The following RANBP2 variants were observed in gnomAD, a reference collection of about 807,000 sequenced individuals.
The protein encoded by RANBP2 is E3 SUMO-protein ligase RanBP2.
A neutral mutation model predicts 303.6 loss-of-function variants in RANBP2; 57 were observed. That is an observed-to-expected ratio of 0.19 (90% CI 0.15 to 0.23). The LOEUF (loss-of-function observed/expected upper bound fraction) is 0.23, where lower values mean the gene tolerates loss of function less well. RANBP2 is among the 10% of genes least tolerant of loss of function. RANBP2 has a pLI of 1.00. For synonymous variants in RANBP2, 1,167 were observed against 1,301.5 expected (o/e 0.90, Z 2.23); for missense variants, 3,138 against 3,780.8 (o/e 0.83, Z 4.46).
the RANBP2 span, among the ~76,000 whole-genome samples, chr2:108,917,237 A>G: frequency 1.3e-5 from 2 of 152,218 alleles, no homozygotes; most frequent in Admixed American, 1.3e-4. Flanking sequence ...TGGAAGCCAA[A>G]GGAGTGGATC....
At chr2:109,202,044 C>G in the RANBP2 span, among the ~76,000 whole-genome samples, 2 of 152,342 alleles carry the variant, frequency 1.3e-5, no homozygotes, top group East Asian at 1.9e-4. Context: ...GCCTTGGAGC[C>G]TGGCTGGGTC....
At chr2:108,907,175 TA>T in the RANBP2 span, among the ~76,000 whole-genome samples, 1 of 152,246 alleles carries the variant, frequency 6.6e-6, no homozygotes, top group Admixed American at 6.5e-5. Context: ...CCTGTTTTTA[TA>T]TTTTTAAAAA....
chr2:109,183,763 G>A, the RANBP2 span, among the ~76,000 whole-genome samples: 4 of 152,192 alleles, frequency 2.6e-5, no homozygotes, highest in Non-Finnish European at 5.9e-5. Flanking sequence ...GTCAGGTCAG[G>A]AATTATTTAT....
chr2:109,649,264 CCATGACTAAAGTCCTGGAGA>C, the RANBP2 span, among the ~76,000 whole-genome samples: 1 of 152,070 alleles, frequency 6.6e-6, no homozygotes, highest in African/African-American at 2.4e-5. Context: ...TTGATTGGCT[CCATGACTAAAGTCCTGGAGA>C]CTAAATGAAT....
chr2:109,347,318 G>A, the RANBP2 span, among the ~76,000 whole-genome samples: 1 of 152,166 alleles, frequency 6.6e-6, no homozygotes, highest in South Asian at 2.1e-4. Flanking sequence ...TGGGCCTTAG[G>A]AAAGTCACCT....
chr2:109,435,953 A>G, the RANBP2 span, among the ~76,000 whole-genome samples: 5 of 152,124 alleles, frequency 3.3e-5, no homozygotes, highest in Non-Finnish European at 5.9e-5. Flanking sequence ...TCCTTTTCCA[A>G]GAGGCCCCTC....
chr2:109,641,043 T>C, the RANBP2 span, among the ~76,000 whole-genome samples: 4 of 152,190 alleles, frequency 2.6e-5, no homozygotes, highest in African/African-American at 9.7e-5. Context: ...CTACAAATAA[T>C]GGCCTCCAAA....
the RANBP2 span, among the ~76,000 whole-genome samples, chr2:109,337,258 C>A: frequency 6.6e-6 from 1 of 152,104 alleles, no homozygotes; most frequent in Non-Finnish European, 1.5e-5. Flanking sequence ...AGAGCTTGGG[C>A]TCCCTTGGTC....
the RANBP2 span, among the ~76,000 whole-genome samples, chr2:109,330,127 C>G: frequency 4.9e-4 from 75 of 152,284 alleles, no homozygotes; most frequent in African/African-American, 1.7e-3. Flanking sequence ...TTCCTTTGCT[C>G]CCACTCTGGG....
At chr2:109,224,555 G>C in the RANBP2 span, among the ~76,000 whole-genome samples, 4 of 152,202 alleles carry the variant, frequency 2.6e-5, no homozygotes, top group Non-Finnish European at 5.9e-5. Flanking sequence ...GGCTCAGGAA[G>C]TGGCTTTTAA....
the RANBP2 span, among the ~76,000 whole-genome samples, chr2:109,622,789 G>A: frequency 2.0e-5 from 3 of 152,132 alleles, no homozygotes; most frequent in Non-Finnish European, 2.9e-5. Flanking sequence ...TCTGGTTTTC[G>A]TACTATACAT....
chr2:109,073,234 A>G, the RANBP2 span, among the ~76,000 whole-genome samples: 19 of 152,316 alleles, frequency 1.2e-4, 1 homozygote, highest in African/African-American at 4.6e-4. Context: ...CCAAACAGAA[A>G]TCACGGAGCT....
chr2:109,697,244 C>T, the RANBP2 span, among the ~76,000 whole-genome samples: 1 of 152,174 alleles, frequency 6.6e-6, no homozygotes, highest in Non-Finnish European at 1.5e-5. Flanking sequence ...AATCCCAGCA[C>T]TGTGGGAGGC....
chr2:109,091,052 C>A, the RANBP2 span, among the ~76,000 whole-genome samples: 1 of 151,864 alleles, frequency 6.6e-6, no homozygotes, highest in African/African-American at 2.4e-5. Context: ...ATTGTGAGAC[C>A]CTGATCTCTA....
the RANBP2 span, among the ~76,000 whole-genome samples, chr2:109,646,577 T>C: frequency 6.6e-6 from 1 of 151,828 alleles, no homozygotes; most frequent in African/African-American, 2.4e-5. Context: ...CTGCAAACTC[T>C]GCCTTCTGGG....
the RANBP2 span, among the ~76,000 whole-genome samples, chr2:109,081,351 G>A: frequency 6.6e-6 from 1 of 152,144 alleles, no homozygotes; most frequent in South Asian, 2.1e-4. Flanking sequence ...ATCACCTCCA[G>A]ATGGGGGCAG....
At chr2:108,849,522 GACCAC>G in the RANBP2 span, among the ~76,000 whole-genome samples, 2 of 152,026 alleles carry the variant, frequency 1.3e-5, no homozygotes, top group African/African-American at 2.4e-5. Flanking sequence ...CCTCTCCCTA[GACCAC>G]AGACAGGCCC....
At chr2:108,782,440 G>T (rs1379616671) in intron 27 of RANBP2, 39 bp downstream of exon 27, 1 of 1,613,608 alleles carries the variant, frequency 6.2e-7, no homozygotes, top group East Asian at 2.2e-5. Flanking sequence ...TCATTTTTTG[G>T]ACTTTTCTAA....
chr2:109,242,227 C>T, the RANBP2 span, among the ~76,000 whole-genome samples: 2 of 152,112 alleles, frequency 1.3e-5, no homozygotes, highest in Non-Finnish European at 2.9e-5. Context: ...TTGGTAGCAC[C>T]TTGGCACCAT....
Sources: allele counts gnomAD v4.1 joint callset (sites outside exome capture counted in the v4.1 genomes callset), GRCh38; gene constraint gnomAD v4.1.1; transcripts MANE v1.5; gene names NCBI Gene and HGNC (gene_info 2026-07-23, HGNC 2026-07-21).